SLC9A9: variants seen among roughly 807,000 people sequenced by gnomAD.
SLC9A9 encodes the protein solute carrier family 9 member A9, also known as sodium/hydrogen exchanger 9.
Under a neutral mutation model 77.8 loss-of-function variants are expected in SLC9A9, and 62 were observed. The observed-to-expected ratio is 0.80, with a 90% CI of 0.65 to 0.98. SLC9A9 has a LOEUF of 0.98. SLC9A9 is among the 50% of genes least tolerant of loss of function. The pLI is 0.00. For synonymous variants in SLC9A9, 320 were observed against 283.5 expected, an observed-to-expected ratio of 1.13 and a Z score of -1.29; for missense variants, 775 against 774.9, an observed-to-expected ratio of 1.00 and a Z score of 0.00.
intron 4 of SLC9A9, among the ~76,000 whole-genome samples, chr3:143,715,763 G>C (rs1934327601): frequency 6.6e-6 from 1 of 152,174 alleles, no homozygotes; most frequent in Non-Finnish European, 1.5e-5. Flanking sequence ...AACATCACAA[G>C]CCAAGGGCTC....
chr3:143,836,679 C>G (rs774169180), intron 1 of SLC9A9, among the ~76,000 whole-genome samples: 1 of 152,110 alleles, frequency 6.6e-6, no homozygotes, highest in Non-Finnish European at 1.5e-5. Context: ...GAAAGATGAG[C>G]CTTACCTTCC....
At chr3:143,838,316 C>A (rs1221627781) in intron 1 of SLC9A9, among the ~76,000 whole-genome samples, 1 of 152,160 alleles carries the variant, frequency 6.6e-6, no homozygotes, top group African/African-American at 2.4e-5. Context: ...AGGAGCCCAG[C>A]GTCAATGACG....
intron 14 of SLC9A9, among the ~76,000 whole-genome samples, chr3:143,326,814 C>G (rs2031619887): frequency 6.6e-6 from 1 of 152,220 alleles, no homozygotes; most frequent in African/African-American, 2.4e-5. Flanking sequence ...CCATCCCCAG[C>G]ATCTAGTACA....
intron 12 of SLC9A9, among the ~76,000 whole-genome samples, chr3:143,464,485 C>T (rs1025571306): frequency 6.6e-6 from 1 of 152,184 alleles, no homozygotes; most frequent in Non-Finnish European, 1.5e-5. Flanking sequence ...GCCCACTGAT[C>T]GGTGCACAGT....
intron 12 of SLC9A9, among the ~76,000 whole-genome samples, chr3:143,418,692 G>C (rs529733470): frequency 6.6e-6 from 1 of 152,200 alleles, no homozygotes; most frequent in African/African-American, 2.4e-5. Flanking sequence ...CTAAGGGAAG[G>C]GCAAAATGAA....
chr3:143,777,199 A>G lies in SLC9A9; in HGVS notation c.533+17802T>C, dbSNP rs184606413. 1.6e-4 allele frequency among the ~76,000 whole-genome samples: 25 copies of G among 152,318 alleles called. No individual in the cohort carries two copies. The Middle Eastern group carries it at 0.014, about 83-fold the overall frequency. On this transcript the variant is annotated intron_variant, in intron 4 of 15. Transcript: ENST00000316549. The stretch of plus-strand genomic sequence containing the variant: ...CTCTTCCTGAAAAATAGCCATTTTT[A>G]TTTAAAACTGGACAATCAGAGTTAC...
intron 6 of SLC9A9, among the ~76,000 whole-genome samples, chr3:143,634,697 G>A (rs561902604): frequency 1.6e-4 from 25 of 152,170 alleles, no homozygotes; most frequent in African/African-American, 6.0e-4. Flanking sequence ...CATATTTTCT[G>A]CAAGTCCTTC....
intron 12 of SLC9A9, among the ~76,000 whole-genome samples, chr3:143,416,301 TGG>T (rs2034189916): frequency 6.6e-6 from 1 of 152,162 alleles, no homozygotes; most frequent in South Asian, 2.1e-4. Context: ...GGCTCCAAAT[TGG>T]AAAGAAGTTC....
At chr3:143,439,243 T>C (rs1440814467) in intron 12 of SLC9A9, among the ~76,000 whole-genome samples, 2 of 152,156 alleles carry the variant, frequency 1.3e-5, no homozygotes, top group Non-Finnish European at 2.9e-5. Flanking sequence ...ATTTTGAAGA[T>C]GATGAAGCAG....
At chr3:143,483,075 T>C (rs1435999112) in intron 11 of SLC9A9, among the ~76,000 whole-genome samples, 1 of 152,238 alleles carries the variant, frequency 6.6e-6, no homozygotes, top group African/African-American at 2.4e-5. Context: ...CTTAACTGCA[T>C]TGGAGACACC....
intron 2 of SLC9A9, among the ~76,000 whole-genome samples, chr3:143,821,538 C>CT (rs2009166975): frequency 6.6e-6 from 1 of 152,144 alleles, no homozygotes; most frequent in Non-Finnish European, 1.5e-5. Context: ...TAGGAAAGGA[C>CT]TTTTTGGGGA....
intron 14 of SLC9A9, among the ~76,000 whole-genome samples, chr3:143,342,494 T>C (rs1451616698): frequency 1.3e-5 from 2 of 152,186 alleles, no homozygotes; most frequent in Non-Finnish European, 2.9e-5. Context: ...CTTATAAACC[T>C]TATTGCTGAT....
chr3:143,422,054 A>G (rs2034306466), intron 12 of SLC9A9, among the ~76,000 whole-genome samples: 1 of 152,260 alleles, frequency 6.6e-6, no homozygotes, highest in Non-Finnish European at 1.5e-5. Flanking sequence ...CATGCCAGTC[A>G]GAATGGCTAT....
rs554689818 is a variant in SLC9A9, at chr3:143,299,342, G to A, written c.1605-30362C>T. Among the ~76,000 whole-genome samples the A allele has an allele frequency of 2.2e-4, 34 of 152,282 alleles. No homozygotes were observed. In the South Asian group the frequency reaches 3.9e-3, roughly 18 times the overall value. On this transcript the variant is annotated intron_variant, in intron 14 of 15. Coordinates refer to ENST00000316549, the MANE Select transcript of SLC9A9 (RefSeq NM_173653.4). ...CTCTGTATAGGAGCTCTGAGCAAGCGCAGGGCCATCTGGGGCTGCTTGCTT... is the reference window on the plus strand; with the variant it reads ...CTCTGTATAGGAGCTCTGAGCAAGCACAGGGCCATCTGGGGCTGCTTGCTT...
chr3:143,427,457 T>C (rs2034428478), intron 12 of SLC9A9, among the ~76,000 whole-genome samples: 2 of 152,362 alleles, frequency 1.3e-5, no homozygotes, highest in Admixed American at 1.3e-4. Flanking sequence ...TGATCTCCAA[T>C]AATTAGCAAG....
At chr3:143,282,168 G>A (rs1409147461) in intron 14 of SLC9A9, among the ~76,000 whole-genome samples, 2 of 152,068 alleles carry the variant, frequency 1.3e-5, no homozygotes, top group Non-Finnish European at 2.9e-5. Context: ...TTCAAGTACA[G>A]TTCTCTTCCT....
intron 9 of SLC9A9, among the ~76,000 whole-genome samples, chr3:143,536,781 C>A (rs775515353): frequency 6.6e-6 from 1 of 152,216 alleles, no homozygotes; most frequent in East Asian, 1.9e-4. Flanking sequence ...CCTACTCACA[C>A]AGAATATAAA....
chr3:143,719,309 A>C (rs946955738), intron 4 of SLC9A9, among the ~76,000 whole-genome samples: 28 of 152,344 alleles, frequency 1.8e-4, no homozygotes, highest in Admixed American at 7.2e-4. Context: ...GCAGTGGCCC[A>C]GGGCACCAAA....
At chr3:143,753,531 G>A (rs1214857331) in intron 4 of SLC9A9, among the ~76,000 whole-genome samples, 4 of 152,216 alleles carry the variant, frequency 2.6e-5, no homozygotes, top group Admixed American at 2.6e-4. Context: ...CAAGCATTTT[G>A]TTCTTTCCTA....
Sources: allele counts gnomAD v4.1 joint callset (sites outside exome capture counted in the v4.1 genomes callset), GRCh38; gene constraint gnomAD v4.1.1; transcripts MANE v1.5; gene names NCBI Gene and HGNC (gene_info 2026-07-23, HGNC 2026-07-21).